The following RYR2 variants were observed in gnomAD, a reference collection of about 807,000 sequenced individuals.
RYR2 encodes ryanodine receptor 2.
RYR2 carries 227 observed loss-of-function variants against 601.1 expected under a neutral mutation model. The observed-to-expected ratio is 0.38, with a 90% confidence interval of 0.34 to 0.42. RYR2 has a LOEUF of 0.42. Ranked by LOEUF, RYR2 falls within the 10% of genes least tolerant of loss-of-function variation. RYR2 has a pLI of 1.00. For missense variants in RYR2, 4,646 were observed against 6,156.5 expected, an observed-to-expected ratio of 0.75 and a Z score of 8.21; for synonymous variants, 2,223 against 2,175.1, an observed-to-expected ratio of 1.02 and a Z score of -0.61.
chr1:237,319,960 C>T (rs1695471286), intron 2 of RYR2, among the ~76,000 whole-genome samples: 1 of 152,156 alleles, frequency 6.6e-6, no homozygotes, highest in Non-Finnish European at 1.5e-5. Context: ...GACAAGGTGG[C>T]ACAGCTACTG....
chr1:237,242,734 A>G (rs1323938854), intron 1 of RYR2, among the ~76,000 whole-genome samples: 1 of 152,160 alleles, frequency 6.6e-6, no homozygotes, highest in Admixed American at 6.5e-5. Context: ...GCCTTCTTTC[A>G]TTGAAAAGGT....
intron 1 of RYR2, among the ~76,000 whole-genome samples, chr1:237,101,254 A>G (rs1165768658): frequency 1.3e-5 from 2 of 150,896 alleles, no homozygotes; most frequent in Admixed American, 6.6e-5. Context: ...TTGGATGCCA[A>G]CAGGGAAATT....
At chr1:237,148,522 A>AT (rs1558319483) in intron 1 of RYR2, among the ~76,000 whole-genome samples, 52 of 68,224 alleles carry the variant, frequency 7.6e-4, no homozygotes, top group Admixed American at 2.0e-3. Context: ...AAGTAAAAAA[A>AT]AAAAAATATA....
intron 12 of RYR2, among the ~76,000 whole-genome samples, chr1:237,434,957 G>A (rs956982480): frequency 1.3e-5 from 2 of 152,106 alleles, no homozygotes; most frequent in South Asian, 4.2e-4. Flanking sequence ...TGTAGTTTTA[G>A]TAGAGACGGG....
chr1:237,690,366 C>T (rs1686831292), intron 63 of RYR2, among the ~76,000 whole-genome samples: 1 of 152,002 alleles, frequency 6.6e-6, no homozygotes, highest in African/African-American at 2.4e-5. Context: ...TTAAAGTGGG[C>T]TAAAATACCT....
At position 237,723,439 on chromosome 1, in the gene RYR2, C is replaced by T. The variant is rs2797444; in HGVS notation, c.10689+177C>T. On this transcript the variant is annotated intron_variant, in intron 74 of 104. Transcript: ENST00000366574. The stretch of plus-strand genomic sequence containing the variant: ...TTCATAAAGACAATTTCTAAGCTTA[C>T]AAATCTTGTAGCAATATATAGATTA... Among the ~76,000 whole-genome samples, 138,506 of 152,218 alleles carry T rather than the reference C, an allele frequency of 0.91. 64,474 individuals are homozygous for T. Among genetic ancestry groups the T allele is most frequent in the East Asian group, 1 (5,174 of 5,174 alleles).
chr1:237,480,490 T>C (rs908068528), intron 17 of RYR2, among the ~76,000 whole-genome samples: 10 of 152,188 alleles, frequency 6.6e-5, no homozygotes, highest in Non-Finnish European at 1.5e-4. Context: ...TAAATGTTTG[T>C]ATAGCATAAA....
intron 29 of RYR2, among the ~76,000 whole-genome samples, chr1:237,582,297 A>G (rs1674003870): frequency 6.7e-6 from 1 of 150,288 alleles, no homozygotes. Context: ...TTTAGTAGAG[A>G]TGGAGTTTCA....
intron 2 of RYR2, among the ~76,000 whole-genome samples, chr1:237,293,277 G>A (rs990120884): frequency 2.0e-5 from 3 of 152,178 alleles, no homozygotes; most frequent in African/African-American, 7.2e-5. Context: ...CACAGACTCA[G>A]CTCACTTCAA....
At chr1:237,661,433 C>T (rs1321807377) in intron 56 of RYR2, among the ~76,000 whole-genome samples, 1 of 151,924 alleles carries the variant, frequency 6.6e-6, no homozygotes, top group Non-Finnish European at 1.5e-5. Context: ...CATTGTGGCA[C>T]GTGTATACCT....
intron 1 of RYR2, among the ~76,000 whole-genome samples, chr1:237,221,204 A>G (rs1683767430): frequency 6.6e-6 from 1 of 152,214 alleles, no homozygotes; most frequent in South Asian, 2.1e-4. Context: ...TATATTTTTG[A>G]AAATCCATTT....
intron 24 of RYR2, among the ~76,000 whole-genome samples, chr1:237,524,952 A>C (rs1667427167): frequency 6.6e-6 from 1 of 152,082 alleles, no homozygotes; most frequent in Admixed American, 6.6e-5. Flanking sequence ...CAGAGGGTAC[A>C]TGTGCGTGTT....
At chr1:237,780,280 C>G (rs1298150726) in intron 88 of RYR2, among the ~76,000 whole-genome samples, 1 of 152,122 alleles carries the variant, frequency 6.6e-6, no homozygotes, top group Non-Finnish European at 1.5e-5. Flanking sequence ...TCCAGTCTTT[C>G]ATTTAATCAC....
At chr1:237,720,678 G>A (rs1029500713) in intron 73 of RYR2, among the ~76,000 whole-genome samples, 4 of 152,174 alleles carry the variant, frequency 2.6e-5, no homozygotes, top group Non-Finnish European at 2.9e-5. Context: ...GGGTGCAGGG[G>A]ATCCCCAGGG....
chr1:237,043,113 G>A (rs1660125651), intron 1 of RYR2, among the ~76,000 whole-genome samples: 1 of 152,230 alleles, frequency 6.6e-6, no homozygotes, highest in Non-Finnish European at 1.5e-5. Context: ...CGGCGCAGCT[G>A]ACCGGGGGCG....
chr1:237,645,257 G>T (rs956015210), intron 48 of RYR2, among the ~76,000 whole-genome samples: 3 of 152,132 alleles, frequency 2.0e-5, no homozygotes, highest in Non-Finnish European at 4.4e-5. Context: ...CTACAAGGTG[G>T]CAAAACTACC....
chr1:237,782,917 G>A (rs1346449429), intron 89 of RYR2, among the ~76,000 whole-genome samples: 2 of 152,056 alleles, frequency 1.3e-5, no homozygotes, highest in African/African-American at 2.4e-5. Flanking sequence ...TTAACACCAC[G>A]GTGCTTACTG....
chr1:237,058,009 G>T (rs984955480), intron 1 of RYR2, among the ~76,000 whole-genome samples: 6 of 152,154 alleles, frequency 3.9e-5, no homozygotes, highest in Admixed American at 3.9e-4. Context: ...GGCGTGTTTT[G>T]TTTGCAATTT....
chr1:237,438,319 T>C (rs1165653534), intron 12 of RYR2, among the ~76,000 whole-genome samples: 1 of 152,196 alleles, frequency 6.6e-6, no homozygotes, highest in East Asian at 1.9e-4. Context: ...CTTGTTGTTT[T>C]TGTTTTTCCA....
Sources: gnomAD v4.1 joint callset for allele counts (sites outside exome capture counted in the v4.1 genomes callset) on GRCh38, gnomAD v4.1.1 for gene constraint, MANE v1.5 for transcripts, NCBI Gene and HGNC (gene_info 2026-07-23, HGNC 2026-07-21) for gene names.